The following ISLR2 variants were observed in gnomAD, a reference collection of about 807,000 sequenced individuals.
The protein encoded by ISLR2 is immunoglobulin superfamily containing leucine-rich repeat protein 2.
Under a neutral mutation model 25.5 loss-of-function variants are expected in ISLR2, and 16 were observed. That is an observed-to-expected ratio of 0.63 (90% confidence interval 0.43 to 0.95). ISLR2 has a LOEUF of 0.95. ISLR2 is among the 40% of genes least tolerant of loss of function. ISLR2 has a pLI of 0.00. For synonymous variants in ISLR2, 508 were observed against 486.6 expected, an observed-to-expected ratio of 1.04 and a Z score of -0.58; for missense variants, 883 against 1,030.7, an observed-to-expected ratio of 0.86 and a Z score of 1.96.
At chr15:74,141,634 C>G (rs186774300), downstream of ISLR2, among the ~76,000 whole-genome samples, 291 of 152,234 alleles carry the variant, frequency 1.9e-3, 2 homozygotes, top group Non-Finnish European at 3.0e-3. Flanking sequence ...ATCTTACAAG[C>G]ATTATTTTGT....
chr15:74,128,169 G>C, upstream of ISLR2: 1 of 299,302 alleles, frequency 3.3e-6, no homozygotes, highest in South Asian at 2.8e-5. Flanking sequence ...GACGAGGTGC[G>C]CGCAGTCTTC....
At chr15:74,129,101 G>T (rs75640427), upstream of ISLR2, 790 of 455,746 alleles carry the variant, frequency 1.7e-3, 4 homozygotes, top group African/African-American at 0.014. This position sits in a 1 kb window ranked among gnomAD's most constrained non-coding sequence, Gnocchi z 4.5. Flanking sequence ...TGGGTCGGCG[G>T]GGGGGGACTC....
upstream of ISLR2, chr15:74,129,082 C>T: frequency 4.4e-6 from 2 of 456,556 alleles, no homozygotes; most frequent in South Asian, 3.1e-5. The surrounding 1 kb of genome is among the most constrained non-coding windows in gnomAD (Gnocchi z 4.5). Flanking sequence ...GCGCCTTGCG[C>T]CCTCCCCATG....
intron 2 of ISLR2, among the ~76,000 whole-genome samples, chr15:74,131,568 C>T (rs2072420366): frequency 6.6e-6 from 1 of 152,166 alleles, no homozygotes; most frequent in African/African-American, 2.4e-5. Flanking sequence ...GTTTGTGTGA[C>T]CGGGCTTAAG....
chr15:74,109,659 G>A (rs1284010632), intron 2 of ISLR2, among the ~76,000 whole-genome samples: 2 of 152,032 alleles, frequency 1.3e-5, no homozygotes, highest in Non-Finnish European at 2.9e-5. Context: ...CTGAACCCAC[G>A]CCTCAGAGGT....
downstream of ISLR2, among the ~76,000 whole-genome samples, chr15:74,137,846 C>A (rs971130922): frequency 1.3e-5 from 2 of 152,234 alleles, no homozygotes; most frequent in African/African-American, 4.8e-5. Flanking sequence ...GGTCCTACCC[C>A]AGCCTCAGGT....
chr15:74,117,187 G>A (rs1349480418), intron 2 of ISLR2, among the ~76,000 whole-genome samples: 1 of 152,154 alleles, frequency 6.6e-6, no homozygotes, highest in African/African-American at 2.4e-5. Context: ...AATGACCCCA[G>A]ATCCCTTTGG....
Position 74,135,386 on chromosome 15 carries a change from C to A in ISLR2, c.*394C>A. ...AAACGAGCGAAGACTTTGGAAACCT[C>A]GCGGTAACGCGGTGGTTTCGGGGGC... On this transcript the variant is annotated 3_prime_UTR_variant, in exon 3 of 3. Coordinates refer to ENST00000453268, the MANE Select transcript of ISLR2 (RefSeq NM_020851.3). 1 of 226,196 alleles carries A rather than the reference C, an allele frequency of 4.4e-6. No individual in the cohort carries two copies. Among genetic ancestry groups the A allele is most frequent in the Non-Finnish European group, 9.7e-6 (1 of 103,334 alleles). 14.0% of individuals were successfully genotyped at this position (226,196 alleles called of 1,614,324 possible).
chr15:74,102,674 G>T (rs917224810), intron 1 of ISLR2, among the ~76,000 whole-genome samples: 1 of 151,892 alleles, frequency 6.6e-6, no homozygotes, highest in Non-Finnish European at 1.5e-5. Flanking sequence ...TGAGACCATG[G>T]TTTGAAAACC....
chr15:74,113,791 G>T (rs2072189455), intron 2 of ISLR2, among the ~76,000 whole-genome samples: 1 of 152,230 alleles, frequency 6.6e-6, no homozygotes, highest in Non-Finnish European at 1.5e-5. Context: ...GATTCCAAGA[G>T]TGGAGACTCT....
At chr15:74,111,648 T>A (rs1159827965) in intron 2 of ISLR2, among the ~76,000 whole-genome samples, 1 of 152,064 alleles carries the variant, frequency 6.6e-6, no homozygotes, top group African/African-American at 2.4e-5. Context: ...AGTCTTGCCC[T>A]GTGGCTTCCA....
downstream of ISLR2, among the ~76,000 whole-genome samples, chr15:74,139,213 A>G (rs368437627): frequency 1.2e-4 from 19 of 152,254 alleles, no homozygotes; most frequent in African/African-American, 4.3e-4. Context: ...GTAGGAATGA[A>G]TACGTGTTGG....
chr15:74,107,945 C>T (rs1222926910), intron 2 of ISLR2, among the ~76,000 whole-genome samples: 1 of 152,192 alleles, frequency 6.6e-6, no homozygotes, highest in African/African-American at 2.4e-5. Flanking sequence ...ACCCACCTCA[C>T]AGGCAGAGGG....
At chr15:74,141,201 A>G (rs796591675), downstream of ISLR2, among the ~76,000 whole-genome samples, 18 of 152,378 alleles carry the variant, frequency 1.2e-4, no homozygotes, top group African/African-American at 3.8e-4. Context: ...GTTTAAGTCC[A>G]CATAGAACAA....
In ISLR2 at chr15:74,134,918, C is replaced by A. The variant is rs375740682; in HGVS notation, c.2164C>A (p.Arg722=). ...CGAGGCGGGCTCTGAGTACAGCGATCGGCTGCCCCTGGGCGCCGAGGCGGT... is the reference window on the plus strand; with the variant it reads ...CGAGGCGGGCTCTGAGTACAGCGATAGGCTGCCCCTGGGCGCCGAGGCGGT... ...EFEAGSEYSD[R]LPLGAEAVNI... The change falls in exon 3 of 3, where the codon CGG becomes AGG. Residue 722 remains arginine (R), a synonymous_variant. Coordinates refer to ENST00000453268, the MANE Select transcript of ISLR2 (RefSeq NM_020851.3). 21 of 1,613,944 alleles carry A rather than the reference C, an allele frequency of 1.3e-5. No homozygotes were observed. The African/African-American group carries it at 2.3e-4, about 17-fold the overall frequency.
chr15:74,133,288 C>T lies in ISLR2; in HGVS notation c.534C>T (p.Leu178=). The change falls in exon 3 of 3, where the codon CTC becomes CTT. Residue 178 remains leucine (L), a synonymous_variant. Coordinates refer to ENST00000453268, the MANE Select transcript of ISLR2 (RefSeq NM_020851.3). ...DALSALSHLQ[L]YHNPFHCGCG... is the part of the protein sequence containing the mutation. ...TTAGCGCGCTGTCACACTTGCAACT[C>T]TATCACAATCCCTTCCACTGCGGCT... 3 of 1,611,112 alleles carry T rather than the reference C, an allele frequency of 1.9e-6. No homozygotes were observed. The highest frequency in any genetic ancestry group is 2.5e-6 in the Non-Finnish European group (3 of 1,179,980).
rs1457200499 is a variant in ISLR2, at chr15:74,134,083, G to A, written c.1329G>A (p.Glu443=). 2 of 1,613,680 alleles carry A rather than the reference G, an allele frequency of 1.2e-6. No individual in the cohort carries two copies. The highest frequency in any genetic ancestry group is 2.2e-5 in the East Asian group (1 of 44,854). ...TEPEEDTSEG[E]EAEDQILADP... is the part of the protein sequence containing the mutation. ...CGGAGGAGGACACAAGTGAGGGAGA[G>A]GAGGCCGAAGACCAGATCCTCGCGG... Residue 443 remains glutamate (E), a synonymous_variant, in exon 3 of 3, where the codon GAG becomes GAA. Transcript: ENST00000453268.
chr15:74,137,852 C>G (rs187032414), downstream of ISLR2, among the ~76,000 whole-genome samples: 4 of 152,316 alleles, frequency 2.6e-5, no homozygotes, highest in African/African-American at 9.6e-5. Flanking sequence ...ACCCCAGCCT[C>G]AGGTCTGTCC....
At chr15:74,116,761 A>T (rs1157977872) in intron 2 of ISLR2, among the ~76,000 whole-genome samples, 1 of 152,262 alleles carries the variant, frequency 6.6e-6, no homozygotes, top group Admixed American at 6.5e-5. Flanking sequence ...TAAGAATACC[A>T]TCATTATAAG....
Sources: gnomAD v4.1 joint callset for allele counts (sites outside exome capture counted in the v4.1 genomes callset) on GRCh38, gnomAD v4.1.1 for gene constraint, Gnocchi (gnomAD v3.1) non-coding constraint, MANE v1.5 for transcripts, NCBI Gene and HGNC (gene_info 2026-07-23, HGNC 2026-07-21) for gene names.